The following EFCAB6 variants were observed in gnomAD, a reference collection of about 807,000 sequenced individuals.
EFCAB6 encodes EF-hand calcium-binding domain-containing protein 6.
Under a neutral mutation model 169.8 loss-of-function variants are expected in EFCAB6, and 156 were observed. The ratio of observed to expected loss-of-function variants is 0.92; its 90% confidence interval spans 0.81 to 1.05. EFCAB6 has a LOEUF of 1.05. Ranked by LOEUF, EFCAB6 falls within the 50% of genes least tolerant of loss-of-function variation. The pLI, the probability that EFCAB6 is intolerant of heterozygous loss-of-function variation, is 0.00. For synonymous variants in EFCAB6, 698 were observed against 676.4 expected, an observed-to-expected ratio of 1.03 and a Z score of -0.50; for missense variants, 1,800 against 1,829.1, an observed-to-expected ratio of 0.98 and a Z score of 0.29.
chr22:43,560,248 T>C (rs1204343016), intron 26 of EFCAB6, among the ~76,000 whole-genome samples: 1 of 152,156 alleles, frequency 6.6e-6, no homozygotes, highest in East Asian at 1.9e-4. Flanking sequence ...GATATCAACA[T>C]TGATATTAAA....
At chr22:43,590,292 AAAC>A in intron 23 of EFCAB6, 63 bp from the exon 24 acceptor site, 1 of 1,561,784 alleles carries the variant, frequency 6.4e-7, no homozygotes, top group Non-Finnish European at 8.7e-7. Context: ...CCTTTAAAGC[AAAC>A]ACTGCATGAT....
At chr22:43,554,783 G>T (rs1183847744) in intron 27 of EFCAB6, 86 bp downstream of exon 27, 1 of 1,172,796 alleles carries the variant, frequency 8.5e-7, no homozygotes. Flanking sequence ...ATAGAGAACA[G>T]TCTTAAACTC....
intron 2 of EFCAB6, among the ~76,000 whole-genome samples, chr22:43,807,949 T>C (rs2062977496): frequency 6.6e-6 from 1 of 152,198 alleles, no homozygotes; most frequent in Non-Finnish European, 1.5e-5. Context: ...AGGGTCAAAC[T>C]GGCTCCACCA....
chr22:43,645,253 G>C (rs2056081105), intron 17 of EFCAB6, among the ~76,000 whole-genome samples: 1 of 152,202 alleles, frequency 6.6e-6, no homozygotes, highest in Non-Finnish European at 1.5e-5. Context: ...ACTTTACTAT[G>C]TGATAGAAGT....
intron 9 of EFCAB6, among the ~76,000 whole-genome samples, chr22:43,712,900 T>G (rs1331358671): frequency 6.6e-6 from 1 of 152,178 alleles, no homozygotes; most frequent in African/African-American, 2.4e-5. Flanking sequence ...TTAGAAATTT[T>G]CATTGTTACT....
At chr22:43,764,458 T>C (rs938158115) in intron 5 of EFCAB6, among the ~76,000 whole-genome samples, 1 of 152,216 alleles carries the variant, frequency 6.6e-6, no homozygotes, top group Non-Finnish European at 1.5e-5. Flanking sequence ...CCTAGGTTGG[T>C]TAATTCCATG....
Position 43,735,973 on chromosome 22 carries a change from A to G in EFCAB6, c.528T>C (p.Thr176=). 1 of 1,611,942 alleles carries G rather than the reference A, an allele frequency of 6.2e-7. No individual in the cohort carries two copies. The highest frequency in any genetic ancestry group is 8.5e-7 in the Non-Finnish European group (1 of 1,179,496). The part of the protein sequence containing the change: ...VGEKVFKNIK[T]VMKAFELIDV... Reference sequence around the variant, plus strand: ...CAATGAGCTCAAAGGCTTTCATAACAGTCTTAATGTTTTTGAAAACCTATG... The same window carrying G: ...CAATGAGCTCAAAGGCTTTCATAACGGTCTTAATGTTTTTGAAAACCTATG... The change falls in exon 7 of 32, where the codon ACT becomes ACC. Residue 176 remains threonine (T), a synonymous_variant. Transcript: ENST00000262726.
intron 21 of EFCAB6, among the ~76,000 whole-genome samples, chr22:43,611,203 T>C (rs2053275173): frequency 6.6e-6 from 1 of 152,182 alleles, no homozygotes; most frequent in Non-Finnish European, 1.5e-5. Flanking sequence ...TTGGACAGCA[T>C]GGTCTCAAAC....
At chr22:43,530,746 G>A (rs1397324645) in intron 31 of EFCAB6, 69 bp downstream of exon 31, 4 of 1,598,666 alleles carry the variant, frequency 2.5e-6, no homozygotes, top group Non-Finnish European at 3.4e-6. Context: ...GCTCCCCGTG[G>A]GAAGTTTCTG....
chr22:43,672,205 T>C (rs1159274426), intron 14 of EFCAB6, 41 bp downstream of exon 14: 9 of 1,613,790 alleles, frequency 5.6e-6, no homozygotes, highest in Non-Finnish European at 7.6e-6. Flanking sequence ...CCTCAAACCA[T>C]ATAGGAAGGC....
chr22:43,590,211 G>T lies in EFCAB6; in HGVS notation c.2895C>A (p.Arg965=). 1 of 1,613,844 alleles carries T rather than the reference G, an allele frequency of 6.2e-7. No individual in the cohort carries two copies. Among genetic ancestry groups the T allele is most frequent in the Non-Finnish European group, 8.5e-7 (1 of 1,179,906 alleles). The change falls in exon 24 of 32, where the codon CGC becomes CGA. Residue 965 remains arginine (R), a synonymous_variant. Coordinates refer to ENST00000262726, the MANE Select transcript of EFCAB6 (RefSeq NM_022785.4). ...AVAARDKLMD[R]HQDISKAFTK... is the part of the protein sequence containing the mutation. ...TGAATGCTTTGCTGATATCTTGATG[G>T]CGGTCCATAAGCTTATCCCTGAAAG... is the stretch of plus-strand genomic sequence containing the variant.
intron 30 of EFCAB6, chr22:43,533,495 T>G (rs928144031): frequency 6.6e-6 from 1 of 152,246 alleles, no homozygotes; most frequent in Non-Finnish European, 1.5e-5. Flanking sequence ...GGCTACTGGT[T>G]CCCATTCTGG....
At chr22:43,670,423 G>A (rs2057438290) in intron 15 of EFCAB6, among the ~76,000 whole-genome samples, 1 of 152,272 alleles carries the variant, frequency 6.6e-6, no homozygotes, top group African/African-American at 2.4e-5. Context: ...ATGAAATGCA[G>A]ATAATAAAAG....
At chr22:43,790,321 G>A (rs894748226) in intron 2 of EFCAB6, among the ~76,000 whole-genome samples, 4 of 152,140 alleles carry the variant, frequency 2.6e-5, no homozygotes, top group Non-Finnish European at 4.4e-5. Context: ...GAATTATACC[G>A]AAAAACAAAG....
chr22:43,776,007 G>T (rs973053855), intron 3 of EFCAB6, among the ~76,000 whole-genome samples: 2 of 152,244 alleles, frequency 1.3e-5, no homozygotes, highest in Non-Finnish European at 2.9e-5. Context: ...CAAAATAAAT[G>T]ACTGTTGCTA....
intron 3 of EFCAB6, among the ~76,000 whole-genome samples, chr22:43,777,839 CA>C (rs2061689615): frequency 6.6e-6 from 1 of 152,162 alleles, no homozygotes; most frequent in Non-Finnish European, 1.5e-5. Flanking sequence ...GTGCCTAATG[CA>C]ACGTCTGAGG....
chr22:43,695,536 T>G (rs2058545907), intron 10 of EFCAB6, among the ~76,000 whole-genome samples: 1 of 152,062 alleles, frequency 6.6e-6, no homozygotes, highest in Non-Finnish European at 1.5e-5. Context: ...TCAAATGATT[T>G]TGAAATAGAA....
intron 6 of EFCAB6, among the ~76,000 whole-genome samples, chr22:43,736,271 T>G (rs2060135089): frequency 6.6e-6 from 1 of 152,216 alleles, no homozygotes; most frequent in South Asian, 2.1e-4. Context: ...ATTCATTCCC[T>G]TCTAGGGCCA....
chr22:43,758,574 T>G (rs2061040925), intron 5 of EFCAB6, among the ~76,000 whole-genome samples: 1 of 152,212 alleles, frequency 6.6e-6, no homozygotes, highest in Non-Finnish European at 1.5e-5. Context: ...AACTCTAAAC[T>G]TTTTATTTAA....
Sources: gnomAD v4.1 joint callset for allele counts (sites outside exome capture counted in the v4.1 genomes callset) on GRCh38, gnomAD v4.1.1 for gene constraint, MANE v1.5 for transcripts, NCBI Gene and HGNC (gene_info 2026-07-23, HGNC 2026-07-21) for gene names.